Variants in LRCH2 observed in about 807,000 individuals in gnomAD.
LRCH2 encodes the protein leucine-rich repeat and calponin homology domain-containing protein 2.
LRCH2 carries 38 observed loss-of-function variants against 68.9 expected under a neutral mutation model. The ratio of observed to expected loss-of-function variants is 0.55; its 90% CI spans 0.43 to 0.72. The LOEUF (loss-of-function observed/expected upper bound fraction) is 0.72, where lower values mean the gene tolerates loss of function less well. Among genes scored for constraint, LRCH2 ranks in the 30% least tolerant of loss-of-function variants. The pLI, the probability that LRCH2 is intolerant of heterozygous loss-of-function variation, is 0.00. For missense variants in LRCH2, 528 were observed against 572.9 expected (o/e 0.92, Z 0.80); for synonymous variants, 191 against 208.1 (o/e 0.92, Z 0.71).
rs191170394 is a variant in LRCH2, at chrX:115,197,742, T to C, written c.350-9372A>G. ...ACTCCAGCCTGGGCAAAAGAAAAAG[T>C]CTCTCTCTCTCTTTCTCTCTCTCTC... is the stretch of plus-strand genomic sequence containing the variant. On this transcript the variant is annotated intron_variant, in intron 1 of 20. Transcript: ENST00000317135. Among the ~76,000 whole-genome samples the C allele has an allele frequency of 2.1e-3, 214 of 103,450 alleles. 4 individuals carry two copies. Among genetic ancestry groups the C allele is most frequent in the Admixed American group, 0.02 (187 of 9,293 alleles). 89.8% of individuals were successfully genotyped at this position (103,450 alleles called of 115,157 possible).
chrX:115,124,749 C>T (rs1470206875), intron 16 of LRCH2, among the ~76,000 whole-genome samples: 23 of 111,584 alleles, frequency 2.1e-4, no homozygotes, highest in African/African-American at 7.5e-4. Context: ...ACTTCTCTGC[C>T]ATTTATTAAC....
intron 11 of LRCH2, among the ~76,000 whole-genome samples, chrX:115,161,075 G>A (rs986028898): frequency 2.7e-5 from 3 of 112,288 alleles, no homozygotes; most frequent in Admixed American, 1.9e-4. Context: ...CTCTTTGGCC[G>A]GGCGTGGTGG....
At chrX:115,135,705 A>G (rs2072284887) in intron 14 of LRCH2, among the ~76,000 whole-genome samples, 1 of 111,522 alleles carries the variant, frequency 9.0e-6, no homozygotes, top group Non-Finnish European at 1.9e-5. Flanking sequence ...ACAGCATCGC[A>G]TGCTACAGAG....
chrX:115,165,265 A>G (rs1466556175), intron 10 of LRCH2, 140 bp downstream of exon 10: 1 of 434,552 alleles, frequency 2.3e-6, no homozygotes, highest in Non-Finnish European at 4.0e-6. Context: ...ACAGATGTGA[A>G]GTATTTATAA....
At chrX:115,125,416 T>C (rs1347281483) in intron 16 of LRCH2, among the ~76,000 whole-genome samples, 1 of 51 alleles carries the variant, frequency 0.02, no homozygotes, top group African/African-American at 0.067. Flanking sequence ...CATATATATA[T>C]ATATATATAT....
chrX:115,157,760 T>C (rs2072487172), intron 11 of LRCH2, among the ~76,000 whole-genome samples: 1 of 110,464 alleles, frequency 9.1e-6, no homozygotes, highest in African/African-American at 3.3e-5. Flanking sequence ...GAGTGATTTT[T>C]TTTTAAAGAA....
In LRCH2 at chrX:115,197,569, T is replaced by G. The variant is rs782700012; in HGVS notation, c.350-9199A>C. Reference sequence around the variant, plus strand: ...GTGTTTAGGACCAGCTTGGGCAACATAGAGAGAACCTGTCTCTACTAAAAA... The same window carrying G: ...GTGTTTAGGACCAGCTTGGGCAACAGAGAGAGAACCTGTCTCTACTAAAAA... On this transcript the variant is annotated intron_variant, in intron 1 of 20. Transcript: ENST00000317135. Among the ~76,000 whole-genome samples, 7 of 110,227 alleles carry G rather than the reference T, an allele frequency of 6.4e-5. No individual in the cohort carries two copies. In the South Asian group the frequency reaches 1.6e-3, roughly 25 times the overall value.
At chrX:115,170,620 T>G (rs781842402) in intron 5 of LRCH2, among the ~76,000 whole-genome samples, 188 bp from the exon 6 acceptor site, 1 of 111,777 alleles carries the variant, frequency 8.9e-6, no homozygotes, top group South Asian at 3.8e-4. Flanking sequence ...CAACTAAAAT[T>G]CTATTGCCAT....
rs782238066 is a variant in LRCH2 at position 115,130,208 on chromosome X, T to C, written c.1696-9A>G. ...TTCCTCATTGATTTATACTGAAAAA[T>C]ATTTAAAACACATAATTTATTTTCC... On this transcript the variant is annotated splice_polypyrimidine_tract_variant and intron_variant, in intron 14 of 20. Transcript: ENST00000317135. 5.3e-6 allele frequency: 5 copies of C among 950,332 alleles called. No homozygotes were observed. Among genetic ancestry groups the C allele is most frequent in the Middle Eastern group, 2.7e-4 (1 of 3,696 alleles). The allele number at this position is 950,332 out of a possible 1,213,427, so 78.3% of individuals were successfully genotyped here.
rs1362028129 is a variant in LRCH2, at chrX:115,165,081, T to C, written c.1355+324A>G. ...CAGTGTCTTAATTGGTAAAGTGATG[T>C]CAATACCATCTATTGTTATGGTTGT... is the stretch of plus-strand genomic sequence containing the variant. On this transcript the variant is annotated intron_variant, in intron 10 of 20. Transcript: ENST00000317135. 6.3e-5 allele frequency among the ~76,000 whole-genome samples: 7 copies of C among 110,577 alleles called. No homozygotes were observed. The Admixed American group carries it at 6.8e-4, about 11-fold the overall frequency.
At chrX:115,178,103 T>C (rs1343307895) in intron 5 of LRCH2, among the ~76,000 whole-genome samples, 2 of 111,339 alleles carry the variant, frequency 1.8e-5, no homozygotes, top group African/African-American at 6.5e-5. Context: ...ACCAGTCTTC[T>C]GCTGAGGCAA....
chrX:115,192,170 G>A (rs1556560908), intron 1 of LRCH2: 2 of 1,167,206 alleles, frequency 1.7e-6, no homozygotes. Context: ...TACGGAAGAG[G>A]AGGCTGCTAC....
At chrX:115,152,005 C>T (rs2072435503) in intron 12 of LRCH2, among the ~76,000 whole-genome samples, 1 of 111,376 alleles carries the variant, frequency 9.0e-6, no homozygotes, top group Non-Finnish European at 1.9e-5. Context: ...AAATTTTCAT[C>T]TGAGCGTACT....
chrX:115,125,480 T>C (rs1428645127), intron 16 of LRCH2, among the ~76,000 whole-genome samples: 6 of 70 alleles, frequency 0.086, no homozygotes, highest in African/African-American at 0.11. Context: ...TATATATATA[T>C]ATATATATAT....
At chrX:115,164,077 G>A (rs1163002373) in intron 10 of LRCH2, among the ~76,000 whole-genome samples, 1 of 111,423 alleles carries the variant, frequency 9.0e-6, no homozygotes, top group Non-Finnish European at 1.9e-5. Context: ...ATCTAAAAAT[G>A]TATATTCTCC....
intron 14 of LRCH2, among the ~76,000 whole-genome samples, chrX:115,140,097 C>T (rs958690301): frequency 9.0e-6 from 1 of 111,122 alleles, no homozygotes; most frequent in Non-Finnish European, 1.9e-5. Flanking sequence ...GAAAGAGACC[C>T]CTTCCTTTCA....
chrX:115,154,828 C>A (rs1176245854), intron 12 of LRCH2, among the ~76,000 whole-genome samples: 2 of 109,241 alleles, frequency 1.8e-5, no homozygotes, highest in African/African-American at 3.3e-5. Flanking sequence ...TGTTTTAATC[C>A]ATCAATAACA....
At chrX:115,212,427 C>G (rs2073014017) in intron 1 of LRCH2, among the ~76,000 whole-genome samples, 1 of 112,371 alleles carries the variant, frequency 8.9e-6, no homozygotes, top group Non-Finnish European at 1.9e-5. Flanking sequence ...TTATCTTTTG[C>G]TTTGGAGAGA....
chrX:115,177,903 G>A (rs998271248), intron 5 of LRCH2, among the ~76,000 whole-genome samples: 1 of 106,901 alleles, frequency 9.4e-6, no homozygotes, highest in African/African-American at 3.4e-5. Context: ...GTTTGGTTTT[G>A]TGTTCTACAT....
Sources: allele counts gnomAD v4.1 joint callset (sites outside exome capture counted in the v4.1 genomes callset), GRCh38; gene constraint gnomAD v4.1.1; transcripts MANE v1.5; gene names NCBI Gene and HGNC (gene_info 2026-07-23, HGNC 2026-07-21).